Variants in TENM3 observed in about 807,000 individuals in gnomAD.
TENM3 encodes the protein teneurin-3.
TENM3 carries 63 observed loss-of-function variants against 255.1 expected under a neutral mutation model. That is an observed-to-expected ratio of 0.25 (90% CI 0.20 to 0.30). The LOEUF is 0.30. Among genes scored for constraint, TENM3 ranks in the 10% least tolerant of loss-of-function variants. TENM3 has a pLI of 1.00. For synonymous variants in TENM3, 1,306 were observed against 1,322.3 expected (o/e 0.99, Z 0.27); for missense variants, 2,929 against 3,461.1 (o/e 0.85, Z 3.86).
At chr4:182,588,538 A>G (rs546048924) in intron 3 of TENM3, among the ~76,000 whole-genome samples, 6 of 152,318 alleles carry the variant, frequency 3.9e-5, no homozygotes, top group African/African-American at 1.4e-4. Context: ...TAATAAGGTA[A>G]TAAGGGGAGA....
intron 1 of TENM3, among the ~76,000 whole-genome samples, chr4:182,265,797 A>G (rs969299173): frequency 1.1e-4 from 17 of 152,350 alleles, no homozygotes; most frequent in Admixed American, 6.5e-4. Flanking sequence ...CTTAAATCAG[A>G]TATTTTAAAA....
chr4:181,674,278 G>A, the TENM3 span, among the ~76,000 whole-genome samples: 440 of 152,274 alleles, frequency 2.9e-3, 2 homozygotes, highest in Admixed American at 8.0e-3. Flanking sequence ...GATTGCAGGC[G>A]TGAGCCACTG....
At chr4:181,623,910 T>C in the TENM3 span, among the ~76,000 whole-genome samples, 2 of 152,212 alleles carry the variant, frequency 1.3e-5, no homozygotes, top group East Asian at 1.9e-4. Context: ...TGCTATTTCA[T>C]AGGATATAGT....
At chr4:181,906,317 G>A in the TENM3 span, 40 of 179,882 alleles carry the variant, frequency 2.2e-4, no homozygotes, top group Non-Finnish European at 1.8e-4. Flanking sequence ...TGTATAAAAG[G>A]TAGTTCGTAT....
At chr4:182,026,182 C>CATAAA in the TENM3 span, among the ~76,000 whole-genome samples, 1 of 152,170 alleles carries the variant, frequency 6.6e-6, no homozygotes, top group Admixed American at 6.5e-5. Flanking sequence ...CATAGTGCTC[C>CATAAA]ATGGTGTATA....
the TENM3 span, among the ~76,000 whole-genome samples, chr4:181,909,111 C>T: frequency 2.6e-5 from 4 of 152,132 alleles, no homozygotes; most frequent in African/African-American, 9.7e-5. Flanking sequence ...TTTCTCTCGA[C>T]TATTTTAACA....
intron 1 of TENM3, among the ~76,000 whole-genome samples, chr4:182,162,218 A>T (rs1383722790): frequency 6.6e-6 from 1 of 151,812 alleles, no homozygotes; most frequent in African/African-American, 2.4e-5. Context: ...AATTTTAAAC[A>T]TTTGTCTTTG....
chr4:181,710,713 T>C, the TENM3 span, among the ~76,000 whole-genome samples: 1 of 151,930 alleles, frequency 6.6e-6, no homozygotes, highest in Non-Finnish European at 1.5e-5. Flanking sequence ...AGAGTGAGAC[T>C]CCATCTCTTC....
the TENM3 span, among the ~76,000 whole-genome samples, chr4:181,609,878 T>C: frequency 6.6e-6 from 1 of 152,218 alleles, no homozygotes; most frequent in South Asian, 2.1e-4. Context: ...TTCAACAGAT[T>C]CTTCAGACTT....
At chr4:182,526,562 GA>G (rs1430809160) in intron 3 of TENM3, among the ~76,000 whole-genome samples, 3 of 152,172 alleles carry the variant, frequency 2.0e-5, no homozygotes, top group Admixed American at 2.0e-4. Context: ...AAAATAGTGG[GA>G]AGGAAGAATA....
chr4:182,694,113 TA>T (rs1364705840), intron 12 of TENM3, among the ~76,000 whole-genome samples: 1 of 152,110 alleles, frequency 6.6e-6, no homozygotes, highest in Non-Finnish European at 1.5e-5. Flanking sequence ...AATTTTCATT[TA>T]TTTTTTTATT....
chr4:181,921,086 C>G, the TENM3 span, among the ~76,000 whole-genome samples: 280 of 152,050 alleles, frequency 1.8e-3, 2 homozygotes, highest in Middle Eastern at 6.8e-3. Context: ...CTCTTCCATT[C>G]ATCTATGTCT....
At chr4:182,186,410 C>G (rs1198333767) in intron 1 of TENM3, among the ~76,000 whole-genome samples, 1 of 151,806 alleles carries the variant, frequency 6.6e-6, no homozygotes, top group African/African-American at 2.4e-5. Context: ...CTGTTTCAAC[C>G]ATAACTTCTA....
intron 3 of TENM3, among the ~76,000 whole-genome samples, chr4:182,395,095 C>A (rs1401205011): frequency 1.3e-5 from 2 of 152,124 alleles, no homozygotes; most frequent in Non-Finnish European, 2.9e-5. Context: ...ACACAGAATG[C>A]CAAAGATAAT....
intron 3 of TENM3, among the ~76,000 whole-genome samples, chr4:182,591,023 G>C (rs1452678067): frequency 6.6e-6 from 1 of 152,096 alleles, no homozygotes; most frequent in African/African-American, 2.4e-5. Context: ...AGTTCCACAG[G>C]CAGGCTGAGA....
chr4:182,784,900 G>A (rs377672620), intron 24 of TENM3, among the ~76,000 whole-genome samples: 2 of 151,978 alleles, frequency 1.3e-5, no homozygotes, highest in East Asian at 1.9e-4. Flanking sequence ...GCAATGCCTC[G>A]CCCTGCTTCG....
chr4:182,528,635 C>T (rs1240093100), intron 3 of TENM3, among the ~76,000 whole-genome samples: 1 of 152,110 alleles, frequency 6.6e-6, no homozygotes, highest in Non-Finnish European at 1.5e-5. Context: ...GTAAATTATG[C>T]ATTAAACAAA....
At chr4:181,854,891 C>T in the TENM3 span, among the ~76,000 whole-genome samples, 6 of 152,112 alleles carry the variant, frequency 3.9e-5, no homozygotes, top group South Asian at 2.1e-4. Flanking sequence ...CTACAGAGTA[C>T]GCGTTAGCTA....
At chr4:182,134,037 A>AG in the TENM3 span, among the ~76,000 whole-genome samples, 100 of 149,496 alleles carry the variant, frequency 6.7e-4, no homozygotes, top group African/African-American at 2.4e-3. Flanking sequence ...TTCTGCTTAC[A>AG]GGGGGTCTAA....
Sources: gnomAD v4.1 joint callset for allele counts (sites outside exome capture counted in the v4.1 genomes callset) on GRCh38, gnomAD v4.1.1 for gene constraint, MANE v1.5 for transcripts, NCBI Gene and HGNC (gene_info 2026-07-23, HGNC 2026-07-21) for gene names.